The following METTL15 variants were observed in gnomAD, a reference collection of about 807,000 sequenced individuals.
METTL15 encodes the protein methyltransferase 15, mitochondrial 12S rRNA N4-cytidine, also known as 12S rRNA N(4)-cytidine methyltransferase METTL15.
METTL15 carries 34 observed loss-of-function variants against 38.3 expected under a neutral mutation model. The observed-to-expected ratio is 0.89, with a 90% CI of 0.68 to 1.18. The LOEUF (loss-of-function observed/expected upper bound fraction) is 1.18. Ranked by LOEUF, METTL15 falls within the 50% of genes most tolerant of loss-of-function variation. The pLI, the probability that METTL15 is intolerant of heterozygous loss-of-function variation, is 0.00. For synonymous variants in METTL15, 162 were observed against 170.9 expected, an observed-to-expected ratio of 0.95 and a Z score of 0.41; for missense variants, 438 against 498.4, an observed-to-expected ratio of 0.88 and a Z score of 1.15.
chr11:28,227,803 T>C (rs866181338), intron 4 of METTL15, among the ~76,000 whole-genome samples: 2 of 151,962 alleles, frequency 1.3e-5, no homozygotes, highest in Non-Finnish European at 2.9e-5. Flanking sequence ...AAGGATTCAG[T>C]GAGATCAATT....
intron 6 of METTL15, among the ~76,000 whole-genome samples, chr11:28,321,881 G>C (rs1333513975): frequency 6.6e-6 from 1 of 150,904 alleles, no homozygotes; most frequent in Non-Finnish European, 1.5e-5. Context: ...GAACACAATT[G>C]AGAATCCAGA....
chr11:28,207,506 C>T lies in METTL15; in HGVS notation c.271-3556C>T, dbSNP rs553252256. The stretch of plus-strand genomic sequence containing the variant: ...CTTTTTGATGTGCTGCTGGATTGGG[C>T]TTGCCAGTATTTTATTGAGGATTTT... On this transcript the variant is annotated intron_variant, in intron 3 of 6. Transcript: ENST00000407364. Among the ~76,000 whole-genome samples the T allele has an allele frequency of 1.9e-3, 286 of 152,062 alleles. 1 individual carries two copies. The highest frequency in any genetic ancestry group is 6.5e-3 in the African/African-American group (271 of 41,472).
At chr11:28,336,323 C>T (rs1849900335), downstream of METTL15, among the ~76,000 whole-genome samples, 1 of 152,134 alleles carries the variant, frequency 6.6e-6, no homozygotes, top group Admixed American at 6.6e-5. Flanking sequence ...TTGTCCTCCT[C>T]CACCTTCATA....
chr11:28,381,038 G>A lies in METTL15; in HGVS notation c.*358+19002G>A, dbSNP rs115801526. Among the ~76,000 whole-genome samples the A allele has an allele frequency of 4.4e-3, 666 of 152,168 alleles. 8 individuals carry two copies. Among genetic ancestry groups the A allele is most frequent in the African/African-American group, 0.015 (627 of 41,532 alleles). ...CAGTGTCTTGGTCTGTCATCTAGGCGGAAGTCCAGTGGCATGTTCATAGCT... is the reference window on the plus strand; with the variant it reads ...CAGTGTCTTGGTCTGTCATCTAGGCAGAAGTCCAGTGGCATGTTCATAGCT... On this transcript the variant is annotated intron_variant and NMD_transcript_variant, in intron 5 of 7. Transcript: ENST00000532947.
intron 3 of METTL15, among the ~76,000 whole-genome samples, chr11:28,174,448 A>G (rs1021606377): frequency 1.3e-5 from 2 of 152,148 alleles, no homozygotes; most frequent in Non-Finnish European, 2.9e-5. Flanking sequence ...ATGCAGCATT[A>G]TTTCAAATTT....
intron 3 of METTL15, among the ~76,000 whole-genome samples, chr11:28,130,058 C>G (rs1353705181): frequency 1.3e-5 from 2 of 151,976 alleles, no homozygotes; most frequent in Non-Finnish European, 2.9e-5. Flanking sequence ...GCATATAATC[C>G]CAGCCCTTTG....
At chr11:28,449,237 C>G (rs371145550) in intron 6 of METTL15, among the ~76,000 whole-genome samples, 1 of 152,160 alleles carries the variant, frequency 6.6e-6, no homozygotes, top group Admixed American at 6.5e-5. Context: ...TGTAATGACA[C>G]TTTACTGTAG....
At chr11:28,366,571 G>T (rs1170355566) in intron 5 of METTL15, among the ~76,000 whole-genome samples, 1 of 152,152 alleles carries the variant, frequency 6.6e-6, no homozygotes, top group Non-Finnish European at 1.5e-5. Flanking sequence ...TCACCCATAA[G>T]AAGAGAGGAG....
At chr11:28,297,780 T>C (rs1408193569) in intron 6 of METTL15, among the ~76,000 whole-genome samples, 3 of 152,276 alleles carry the variant, frequency 2.0e-5, no homozygotes, top group South Asian at 2.1e-4. Flanking sequence ...AGATTTTTTT[T>C]CAGTGGTTCC....
chr11:28,379,719 G>T (rs1018882270), intron 5 of METTL15, among the ~76,000 whole-genome samples: 2 of 152,126 alleles, frequency 1.3e-5, no homozygotes, highest in Non-Finnish European at 2.9e-5. Context: ...TGTCAGTTAG[G>T]ATTTCTTTTT....
chr11:28,368,843 T>G (rs1850215571), intron 5 of METTL15, among the ~76,000 whole-genome samples: 1 of 152,128 alleles, frequency 6.6e-6, no homozygotes, highest in Non-Finnish European at 1.5e-5. Context: ...TGAGTTCATG[T>G]CCTTTGCAAA....
intron 3 of METTL15, among the ~76,000 whole-genome samples, chr11:28,129,664 C>T (rs1234794277): frequency 6.6e-6 from 1 of 152,154 alleles, no homozygotes; most frequent in Non-Finnish European, 1.5e-5. Context: ...TCTGTCTGTG[C>T]CTTCCAAAGT....
At chr11:28,193,636 C>T (rs1017655042) in intron 3 of METTL15, among the ~76,000 whole-genome samples, 13 of 152,200 alleles carry the variant, frequency 8.5e-5, no homozygotes, top group African/African-American at 2.9e-4. Context: ...TGTTTATATA[C>T]TGTTAGAACT....
At chr11:28,165,513 T>G (rs536431987) in intron 3 of METTL15, among the ~76,000 whole-genome samples, 3 of 152,290 alleles carry the variant, frequency 2.0e-5, no homozygotes, top group Admixed American at 6.5e-5. Context: ...GACCATTTTT[T>G]AATTGGTTTA....
chr11:28,364,633 G>A (rs11030297), intron 5 of METTL15, among the ~76,000 whole-genome samples: 64,439 of 151,852 alleles, frequency 0.42, 15,040 homozygotes, highest in Admixed American at 0.54. Flanking sequence ...GCAAAGAGGG[G>A]TATTTTGGCT....
chr11:28,410,120 C>T (rs77131054), intron 5 of METTL15, among the ~76,000 whole-genome samples: 664 of 152,124 alleles, frequency 4.4e-3, no homozygotes, highest in Non-Finnish European at 6.5e-3. Flanking sequence ...GAAGAGATAA[C>T]TAAAAACCTT....
chr11:28,120,707 T>A (rs1852192264), intron 3 of METTL15, among the ~76,000 whole-genome samples: 1 of 152,166 alleles, frequency 6.6e-6, no homozygotes. Flanking sequence ...ATTTGATGCT[T>A]CTGTGCCCTT....
At chr11:28,469,262 T>TC (rs990666417) in intron 6 of METTL15, among the ~76,000 whole-genome samples, 4 of 151,448 alleles carry the variant, frequency 2.6e-5, no homozygotes, top group South Asian at 2.1e-4. Context: ...ATTGACCTTT[T>TC]TCCCCCCAGT....
intron 6 of METTL15, among the ~76,000 whole-genome samples, chr11:28,508,097 G>T (rs985686875): frequency 1.3e-5 from 2 of 151,930 alleles, no homozygotes; most frequent in African/African-American, 4.8e-5. Context: ...TAAAATGCTT[G>T]TTCTTCTGCT....
Sources: allele counts gnomAD v4.1 joint callset (sites outside exome capture counted in the v4.1 genomes callset), GRCh38; gene constraint gnomAD v4.1.1; transcripts MANE v1.5; gene names NCBI Gene and HGNC (gene_info 2026-07-23, HGNC 2026-07-21).